Variants in PARD3B observed in about 807,000 individuals in gnomAD.
PARD3B encodes par-3 family cell polarity regulator beta.
In PARD3B, 103 loss-of-function variants were observed where a neutral mutation model predicts 130.2. The observed-to-expected ratio is 0.79, with a 90% CI of 0.67 to 0.93. The LOEUF (loss-of-function observed/expected upper bound fraction) is 0.93. Among genes scored for constraint, PARD3B ranks in the 40% least tolerant of loss-of-function variants. The probability of loss-of-function intolerance (pLI) is 0.00; values close to 1 mark genes in which losing one functional copy is unlikely to be tolerated. For missense variants in PARD3B, 1,609 were observed against 1,499.2 expected (o/e 1.07, Z -1.21); for synonymous variants, 583 against 553.2 (o/e 1.05, Z -0.76).
chr2:205,134,107 G>T (rs948661978), intron 10 of PARD3B, among the ~76,000 whole-genome samples: 15 of 152,138 alleles, frequency 9.9e-5, no homozygotes, highest in Non-Finnish European at 2.9e-5. Flanking sequence ...AGATATCACA[G>T]ATTCTAGGAA....
chr2:205,367,180 A>C (rs2044641220), intron 18 of PARD3B, among the ~76,000 whole-genome samples: 1 of 152,236 alleles, frequency 6.6e-6, no homozygotes, highest in South Asian at 2.1e-4. Context: ...GGACGATTAA[A>C]TGATTTGTAA....
intron 10 of PARD3B, among the ~76,000 whole-genome samples, chr2:205,129,710 T>A (rs1409625875): frequency 6.6e-6 from 1 of 152,216 alleles, no homozygotes; most frequent in Non-Finnish European, 1.5e-5. Context: ...CTGCCTAGTT[T>A]CCGACGCTTA....
At chr2:204,647,146 C>T (rs1399249923) in intron 1 of PARD3B, among the ~76,000 whole-genome samples, 4 of 151,834 alleles carry the variant, frequency 2.6e-5, no homozygotes, top group African/African-American at 9.7e-5. Flanking sequence ...TTTGCTATTT[C>T]AATGGGTGTT....
At chr2:205,211,971 A>G (rs1444019035) in intron 15 of PARD3B, among the ~76,000 whole-genome samples, 2 of 152,168 alleles carry the variant, frequency 1.3e-5, no homozygotes, top group Admixed American at 6.6e-5. Context: ...GGAATAAATT[A>G]TCATAGCACC....
intron 2 of PARD3B, among the ~76,000 whole-genome samples, chr2:204,760,562 A>C (rs1302684293): frequency 2.6e-5 from 4 of 152,042 alleles, no homozygotes; most frequent in Non-Finnish European, 5.9e-5. Flanking sequence ...CTGTTTTATT[A>C]ATAAGGAAGT....
chr2:204,955,569 A>G (rs1168010204), intron 2 of PARD3B, among the ~76,000 whole-genome samples: 2 of 152,188 alleles, frequency 1.3e-5, no homozygotes, highest in South Asian at 4.1e-4. Flanking sequence ...TCATTTACCT[A>G]AGGAATTTTT....
At chr2:204,654,627 A>C (rs1365278397) in intron 1 of PARD3B, among the ~76,000 whole-genome samples, 1 of 152,226 alleles carries the variant, frequency 6.6e-6, no homozygotes, top group Non-Finnish European at 1.5e-5. Flanking sequence ...GAACATGGAT[A>C]ATGAGAAACT....
rs1191958054 is a variant in PARD3B at position 205,590,236 on chromosome 2, A to T, written c.3261-25220A>T. ...CAAGGACAGACTTATCTTCAGGTTC[A>T]GCTACCCAAGATCTCATAAAAGGCT... On this transcript the variant is annotated intron_variant, in intron 22 of 22. Transcript: ENST00000406610. The surrounding 1 kb of genome is among the most constrained non-coding windows in gnomAD (Gnocchi z 4.1). 2.0e-5 allele frequency among the ~76,000 whole-genome samples: 3 copies of T among 152,220 alleles called. No individual in the cohort carries two copies. Among genetic ancestry groups the T allele is most frequent in the African/African-American group, 7.2e-5 (3 of 41,458 alleles).
At position 205,015,659 on chromosome 2, in the gene PARD3B, C is replaced by T. The variant is rs371719005; in HGVS notation, c.395-31922C>T. Among the ~76,000 whole-genome samples, 3 of 152,128 alleles carry T rather than the reference C, an allele frequency of 2.0e-5. No homozygotes were observed. The highest frequency in any genetic ancestry group is 2.1e-4 in the South Asian group (1 of 4,818). ...GGTGGTTGACATCTGCTTTGTCCTC[C>T]GTATCCATACTTTCTTACTCTAGAT... On this transcript the variant is annotated intron_variant, in intron 3 of 22. Coordinates refer to ENST00000406610, the MANE Select transcript of PARD3B (RefSeq NM_001302769.2). This position sits in a 1 kb window ranked among gnomAD's most constrained non-coding sequence, Gnocchi z 4.5.
chr2:205,066,672 A>T (rs1287667124), intron 4 of PARD3B, among the ~76,000 whole-genome samples: 1 of 152,162 alleles, frequency 6.6e-6, no homozygotes, highest in East Asian at 1.9e-4. Context: ...AACTGGTGTA[A>T]CACATTTGGA....
rs182553316 is a variant in PARD3B at position 205,202,469 on chromosome 2, C to T, written c.2140+9149C>T. On this transcript the variant is annotated intron_variant, in intron 15 of 22. Transcript: ENST00000406610. ...ATTCTTACTACTATTAATTGGAAAA[C>T]AATATCTTTTGTGTAGGAATTGTAC... Among the ~76,000 whole-genome samples the T allele has an allele frequency of 4.2e-3, 641 of 152,260 alleles. 4 individuals are homozygous for T. The highest frequency in any genetic ancestry group is 0.02 in the South Asian group (95 of 4,826).
chr2:205,536,195 G>A (rs2051847830), intron 21 of PARD3B, among the ~76,000 whole-genome samples: 1 of 152,156 alleles, frequency 6.6e-6, no homozygotes, highest in Non-Finnish European at 1.5e-5. Flanking sequence ...GGTGGAACAA[G>A]CGTGTGGTGT....
chr2:205,045,611 A>G (rs984956642), intron 3 of PARD3B, among the ~76,000 whole-genome samples: 65 of 152,230 alleles, frequency 4.3e-4, no homozygotes, highest in African/African-American at 1.6e-3. Flanking sequence ...TAAAAAGCAG[A>G]TACTGATAGT....
chr2:204,626,371 G>A (rs1194241349), intron 1 of PARD3B, among the ~76,000 whole-genome samples: 1 of 151,916 alleles, frequency 6.6e-6, no homozygotes, highest in Non-Finnish European at 1.5e-5. Flanking sequence ...TTCTTTTCAA[G>A]AGCCTATTTT....
chr2:204,641,869 A>T (rs2035089726), intron 1 of PARD3B, among the ~76,000 whole-genome samples: 1 of 152,240 alleles, frequency 6.6e-6, no homozygotes, highest in Non-Finnish European at 1.5e-5. Context: ...GTCTAATAAA[A>T]TTCTCCTTTT....
intron 2 of PARD3B, among the ~76,000 whole-genome samples, chr2:204,893,391 A>T (rs1417007734): frequency 6.6e-6 from 1 of 152,176 alleles, no homozygotes; most frequent in Non-Finnish European, 1.5e-5. Flanking sequence ...TTGGAGGAGA[A>T]TATAGAGTCA....
intron 1 of PARD3B, among the ~76,000 whole-genome samples, chr2:204,642,539 C>T (rs1476240567): frequency 6.6e-6 from 1 of 152,088 alleles, no homozygotes; most frequent in African/African-American, 2.4e-5. Context: ...GATTTCTGTC[C>T]ATGGTGGCAT....
At chr2:204,991,092 CTTATAT>C (rs1446786358) in intron 3 of PARD3B, among the ~76,000 whole-genome samples, 1 of 150,230 alleles carries the variant, frequency 6.7e-6, no homozygotes, top group Non-Finnish European at 1.5e-5. Context: ...TTTTATTATA[CTTATAT>C]AAGTTTTAGG....
chr2:204,915,874 A>G (rs1320034414), intron 2 of PARD3B, among the ~76,000 whole-genome samples: 2 of 152,328 alleles, frequency 1.3e-5, no homozygotes, highest in East Asian at 1.9e-4. Context: ...AAAGCATTGT[A>G]AAAATCAAAT....
Sources: allele counts gnomAD v4.1 joint callset (sites outside exome capture counted in the v4.1 genomes callset), GRCh38; gene constraint gnomAD v4.1.1; non-coding constraint Gnocchi (gnomAD v3.1); transcripts MANE v1.5; gene names NCBI Gene and HGNC (gene_info 2026-07-23, HGNC 2026-07-21).